SEPTIN10: variants seen among roughly 807,000 people sequenced by gnomAD.
SEPTIN10 encodes septin 10.
SEPTIN10 carries 66 observed loss-of-function variants against 54.8 expected under a neutral mutation model. The observed-to-expected ratio is 1.21, with a 90% confidence interval of 0.99 to 1.48. The LOEUF (loss-of-function observed/expected upper bound fraction) is 1.48, where lower values mean the gene tolerates loss of function less well. SEPTIN10 is among the 40% of genes most tolerant of loss of function. The pLI, the probability that SEPTIN10 is intolerant of heterozygous loss-of-function variation, is 0.00. For missense variants in SEPTIN10, 620 were observed against 545.6 expected, an observed-to-expected ratio of 1.14 and a Z score of -1.36; for synonymous variants, 161 against 181.0, an observed-to-expected ratio of 0.89 and a Z score of 0.89.
rs562758761 is a variant in SEPTIN10 at position 109,543,478 on chromosome 2, A to C, written c.*831T>G. 2.0e-5 allele frequency: 3 copies of C among 152,368 alleles called. No homozygotes were observed. Among genetic ancestry groups the C allele is most frequent in the Non-Finnish European group, 4.4e-5 (3 of 68,024 alleles). 9.4% of individuals were successfully genotyped at this position (152,368 alleles called of 1,614,324 possible). A position where few individuals can be genotyped will look rare whatever the true frequency, so the allele number is the denominator to read the frequency against. On this transcript the variant is annotated 3_prime_UTR_variant, in exon 11 of 11. Coordinates refer to ENST00000397712, the MANE Select transcript of SEPTIN10 (RefSeq NM_144710.5). ...TAATCTGACACAAAAGCTTAAGATC[A>C]TATCACCAATTGGGTAATTGTATAA...
intron 5 of SEPTIN10, among the ~76,000 whole-genome samples, chr2:109,568,868 T>C (rs56195919): frequency 0.045 from 6,821 of 152,192 alleles, 533 homozygotes; most frequent in African/African-American, 0.16. Flanking sequence ...TACTACTATC[T>C]TAAAAGTGTT....
At chr2:109,593,259 G>C in intron 1 of SEPTIN10, 140 bp from the exon 2 acceptor site, 1 of 487,372 alleles carries the variant, frequency 2.1e-6, no homozygotes, top group Non-Finnish European at 3.6e-6. Context: ...CTACATTATT[G>C]AATCGTGTTT....
chr2:109,569,874 G>A (rs181694224), intron 5 of SEPTIN10, among the ~76,000 whole-genome samples: 6 of 152,254 alleles, frequency 3.9e-5, no homozygotes, highest in Admixed American at 2.6e-4. Flanking sequence ...TCCATGTCAA[G>A]CAGTCGAATG....
Position 109,546,224 on chromosome 2 carries a change from A to C in SEPTIN10, c.1175T>G (p.Phe392Cys). The C allele has an allele frequency of 1.3e-6, 2 of 1,552,832 alleles. No individual in the cohort carries two copies. The highest frequency in any genetic ancestry group is 8.7e-7 in the Non-Finnish European group (1 of 1,152,092). Residue 392 changes from phenylalanine to cysteine, a missense_variant, in exon 10 of 11, where the codon TTT becomes TGT. Physicochemically the swap from Phe to Cys is radical, Grantham distance 205. Coordinates refer to ENST00000397712, the MANE Select transcript of SEPTIN10 (RefSeq NM_144710.5). ...KEAERELQAK[F>C]EHLKRLHQEE... ...TTGGTGAAGTCTCTTAAGGTGCTCA[A>C]ATTTGGCCTGTAGCTGGAAACAAAA...
intron 4 of SEPTIN10, among the ~76,000 whole-genome samples, chr2:109,577,889 G>A (rs1690081753): frequency 6.8e-6 from 1 of 146,190 alleles, no homozygotes; most frequent in Non-Finnish European, 1.5e-5. Flanking sequence ...CTTAAGCCTG[G>A]GTGACGAAGT....
intron 3 of SEPTIN10, 31 bp from the exon 4 acceptor site, chr2:109,585,352 T>G (rs779827334): frequency 6.6e-7 from 1 of 1,518,334 alleles, no homozygotes; most frequent in Non-Finnish European, 8.9e-7. Context: ...TCTTTATGGT[T>G]GCATGAATGG....
chr2:109,591,629 G>T lies in SEPTIN10; in HGVS notation c.99+1422C>A, dbSNP rs138665550. Among the ~76,000 whole-genome samples, 41 of 152,304 alleles carry T rather than the reference G, an allele frequency of 2.7e-4. No individual in the cohort carries two copies. In the East Asian group the frequency reaches 7.3e-3, roughly 27 times the overall value. ...ACTGAATTACTGGCCAGGTGTGGTG[G>T]CTCACGTCTGTAATCCAAGTGCTTT... is the stretch of plus-strand genomic sequence containing the variant. On this transcript the variant is annotated intron_variant, in intron 2 of 10. Transcript: ENST00000397712.
At chr2:109,574,466 A>AAAG (rs1491151441) in intron 5 of SEPTIN10, 115 bp downstream of exon 5, 5 of 573,116 alleles carry the variant, frequency 8.7e-6, no homozygotes. Context: ...AAAAAAAAAA[A>AAAG]TTTAAAAAAG....
intron 8 of SEPTIN10, among the ~76,000 whole-genome samples, chr2:109,555,785 G>A (rs564273479): frequency 3.9e-5 from 6 of 152,314 alleles, no homozygotes; most frequent in African/African-American, 1.4e-4. Context: ...GCTTGGGGCG[G>A]CTGCCTTTGC....
intron 4 of SEPTIN10, among the ~76,000 whole-genome samples, chr2:109,582,797 C>A (rs1250497766): frequency 6.6e-6 from 1 of 152,106 alleles, no homozygotes; most frequent in Non-Finnish European, 1.5e-5. Context: ...GCTACAGTAA[C>A]CAAGACAGCA....
At chr2:109,563,675 T>C (rs1436893473) in intron 8 of SEPTIN10, among the ~76,000 whole-genome samples, 1 of 152,230 alleles carries the variant, frequency 6.6e-6, no homozygotes, top group Non-Finnish European at 1.5e-5. Flanking sequence ...CTAAAATTCT[T>C]ATAACTACAC....
intron 1 of SEPTIN10, chr2:109,613,222 A>G (rs766891321): frequency 3.1e-6 from 4 of 1,277,786 alleles, no homozygotes; most frequent in Non-Finnish European, 4.1e-6. Flanking sequence ...TAAATCTACA[A>G]AAGTAACTGG....
intron 1 of SEPTIN10, chr2:109,605,768 A>G (rs1697805545): frequency 1.3e-5 from 2 of 152,220 alleles, no homozygotes; most frequent in South Asian, 4.1e-4. Context: ...GTAAATTATA[A>G]TTCTTTTCTA....
At chr2:109,584,739 T>A (rs1168401846) in intron 4 of SEPTIN10, among the ~76,000 whole-genome samples, 1 of 152,172 alleles carries the variant, frequency 6.6e-6, no homozygotes, top group African/African-American at 2.4e-5. Flanking sequence ...TTACAAAAAA[T>A]TCAAGCATCA....
chr2:109,580,303 C>T (rs997154910), intron 4 of SEPTIN10, among the ~76,000 whole-genome samples: 1 of 149,228 alleles, frequency 6.7e-6, no homozygotes, highest in African/African-American at 2.5e-5. Flanking sequence ...TCTAACTCAC[C>T]TTACTAAAGA....
At chr2:109,566,538 G>A (rs1473338493) in intron 6 of SEPTIN10, among the ~76,000 whole-genome samples, 1 of 152,126 alleles carries the variant, frequency 6.6e-6, no homozygotes, top group African/African-American at 2.4e-5. Flanking sequence ...CTATACAATA[G>A]TGTATTCCTA....
chr2:109,587,988 A>G (rs1463871323), intron 2 of SEPTIN10, among the ~76,000 whole-genome samples: 1 of 152,108 alleles, frequency 6.6e-6, no homozygotes, highest in Non-Finnish European at 1.5e-5. Flanking sequence ...GCTGCTCAGG[A>G]GGCTGAGGTG....
At chr2:109,560,866 G>A (rs1022194646) in intron 8 of SEPTIN10, among the ~76,000 whole-genome samples, 1 of 152,006 alleles carries the variant, frequency 6.6e-6, no homozygotes, top group African/African-American at 2.4e-5. Context: ...CAACCACTAA[G>A]TTCTTCCAAT....
intron 9 of SEPTIN10, 102 bp from the exon 10 acceptor site, chr2:109,546,339 A>C: frequency 1.5e-6 from 1 of 656,818 alleles, no homozygotes; most frequent in South Asian, 3.0e-5. Context: ...GCAACACAGA[A>C]TAACCTACAC....
Sources: allele counts gnomAD v4.1 joint callset (sites outside exome capture counted in the v4.1 genomes callset), GRCh38; gene constraint gnomAD v4.1.1; transcripts MANE v1.5; gene names NCBI Gene and HGNC (gene_info 2026-07-23, HGNC 2026-07-21).